The following HS3ST4 variants were observed in gnomAD, a reference collection of about 807,000 sequenced individuals.
HS3ST4 encodes heparan sulfate glucosamine 3-O-sulfotransferase 4.
HS3ST4 carries 17 observed loss-of-function variants against 29.2 expected under a neutral mutation model. That is an observed-to-expected ratio of 0.58 (90% confidence interval 0.40 to 0.87). HS3ST4 has a LOEUF of 0.87. Among genes scored for constraint, HS3ST4 ranks in the 40% least tolerant of loss-of-function variants. HS3ST4 has a pLI of 0.00. For missense variants in HS3ST4, 627 were observed against 634.5 expected (o/e 0.99, Z 0.13); for synonymous variants, 314 against 285.7 (o/e 1.10, Z -1.00).
chr16:25,692,654 G>C lies in HS3ST4; in HGVS notation c.237G>C (p.Pro79=). The change falls in exon 1 of 2, where the codon CCG becomes CCC. Residue 79 remains proline, a synonymous_variant. Transcript: ENST00000331351. ...PGAAAEPPPS[P]PPPSLLPTPV... ...CCGCCGCCGAGCCCCCGCCGAGCCC[G>C]CCGCCACCCTCTCTGCTGCCTACCC... 7.4e-7 allele frequency: 1 copy of C among 1,349,542 alleles called. No individual in the cohort carries two copies. The highest frequency in any genetic ancestry group is 9.6e-7 in the Non-Finnish European group (1 of 1,042,060). 83.6% of individuals were successfully genotyped at this position (1,349,542 alleles called of 1,614,324 possible).
chr16:26,095,524 A>G (rs1898912510), intron 1 of HS3ST4, among the ~76,000 whole-genome samples: 1 of 152,192 alleles, frequency 6.6e-6, no homozygotes, highest in African/African-American at 2.4e-5. Context: ...CTACTGGGTA[A>G]ATAATGCAAT....
chr16:25,873,110 G>A (rs1263076783), intron 1 of HS3ST4, among the ~76,000 whole-genome samples: 2 of 151,954 alleles, frequency 1.3e-5, no homozygotes, highest in African/African-American at 2.4e-5. Context: ...TTCCCATGTA[G>A]ACCATTGCTT....
intron 1 of HS3ST4, among the ~76,000 whole-genome samples, chr16:26,013,884 C>T (rs4787343): frequency 0.042 from 6,414 of 151,986 alleles, 449 homozygotes; most frequent in African/African-American, 0.14. Context: ...GTGGCATGCC[C>T]GTAGTCCCAG....
intron 1 of HS3ST4, among the ~76,000 whole-genome samples, chr16:26,082,748 C>G (rs79657083): frequency 0.01 from 1,534 of 152,282 alleles, 23 homozygotes; most frequent in African/African-American, 0.035. Context: ...TCAATGGTGG[C>G]TTCATTAGAT....
chr16:26,096,224 A>C (rs1464013995), intron 1 of HS3ST4, among the ~76,000 whole-genome samples: 3 of 152,212 alleles, frequency 2.0e-5, no homozygotes, highest in African/African-American at 7.2e-5. Flanking sequence ...AAAAGAGGGA[A>C]TCCTTCCTAA....
At chr16:25,699,770 A>G (rs1966322458) in intron 1 of HS3ST4, among the ~76,000 whole-genome samples, 1 of 152,236 alleles carries the variant, frequency 6.6e-6, no homozygotes, top group Non-Finnish European at 1.5e-5. Context: ...TCTGAGCCAG[A>G]ATCTATTGGA....
chr16:25,914,065 G>A (rs904165339), intron 1 of HS3ST4, among the ~76,000 whole-genome samples: 6 of 149,656 alleles, frequency 4.0e-5, no homozygotes, highest in Non-Finnish European at 8.9e-5. Context: ...GTGTGTGCAC[G>A]GAGTGTGTGT....
intron 1 of HS3ST4, among the ~76,000 whole-genome samples, chr16:25,960,152 G>A (rs1968780340): frequency 6.6e-6 from 1 of 151,908 alleles, no homozygotes; most frequent in South Asian, 2.1e-4. Flanking sequence ...AAAAGAATCT[G>A]GGACCTTCCC....
chr16:25,873,390 C>A (rs879903091), intron 1 of HS3ST4, among the ~76,000 whole-genome samples: 1 of 140,056 alleles, frequency 7.1e-6, no homozygotes, highest in Non-Finnish European at 1.5e-5. Flanking sequence ...ATCCATCCAT[C>A]CATCCATCCA....
chr16:25,904,026 T>C (rs1188763899), intron 1 of HS3ST4, among the ~76,000 whole-genome samples: 1 of 152,200 alleles, frequency 6.6e-6, no homozygotes, highest in Non-Finnish European at 1.5e-5. Context: ...AGTGAATACA[T>C]GCATGGGTAG....
At position 25,950,775 on chromosome 16, in the gene HS3ST4, G is replaced by A. The variant is rs537002681; in HGVS notation, c.735-184837G>A. The stretch of plus-strand genomic sequence containing the variant: ...TGTTGCATTGATCAGCTGAGCTTGA[G>A]TTCCTTCATCTGCAAAGTAAATGCA... On this transcript the variant is annotated intron_variant, in intron 1 of 1. Transcript: ENST00000331351. 3.3e-5 allele frequency among the ~76,000 whole-genome samples: 5 copies of A among 152,218 alleles called. No individual in the cohort carries two copies. The East Asian group carries it at 9.7e-4, about 30-fold the overall frequency.
chr16:26,013,745 C>T (rs963026951), intron 1 of HS3ST4, among the ~76,000 whole-genome samples: 3 of 152,186 alleles, frequency 2.0e-5, no homozygotes, highest in Admixed American at 6.5e-5. Flanking sequence ...AGCGGTGGCT[C>T]ATGCCTGTAA....
chr16:25,696,217 C>A (rs113218487), intron 1 of HS3ST4, among the ~76,000 whole-genome samples: 249 of 152,328 alleles, frequency 1.6e-3, no homozygotes, highest in Non-Finnish European at 2.5e-3. Flanking sequence ...ATTAAACCCT[C>A]CATGCCCTCT....
chr16:26,068,156 T>A (rs756165723), intron 1 of HS3ST4, among the ~76,000 whole-genome samples: 1 of 152,240 alleles, frequency 6.6e-6, no homozygotes, highest in East Asian at 1.9e-4. Flanking sequence ...TCAACATGTA[T>A]GCCAAAGGTG....
chr16:26,036,897 G>A (rs1425820645), intron 1 of HS3ST4, among the ~76,000 whole-genome samples: 1 of 152,152 alleles, frequency 6.6e-6, no homozygotes, highest in Non-Finnish European at 1.5e-5. Flanking sequence ...TGCTGAGAAA[G>A]AACTGGAACC....
chr16:25,849,270 A>G (rs1397357021), intron 1 of HS3ST4, among the ~76,000 whole-genome samples: 1 of 152,234 alleles, frequency 6.6e-6, no homozygotes, highest in Non-Finnish European at 1.5e-5. Context: ...AAATATACAT[A>G]TACATGCAGA....
At chr16:25,697,819 C>T (rs140299036) in intron 1 of HS3ST4, among the ~76,000 whole-genome samples, 7 of 152,040 alleles carry the variant, frequency 4.6e-5, no homozygotes, top group Admixed American at 2.0e-4. Flanking sequence ...ACTACAGGTG[C>T]GCACCACCAC....
intron 1 of HS3ST4, among the ~76,000 whole-genome samples, chr16:25,732,540 T>G (rs1170219933): frequency 6.6e-6 from 1 of 152,166 alleles, no homozygotes; most frequent in Non-Finnish European, 1.5e-5. Context: ...CCCCGTCACC[T>G]TCAGCTGGTG....
intron 1 of HS3ST4, among the ~76,000 whole-genome samples, chr16:25,800,958 T>G (rs527841464): frequency 6.6e-6 from 1 of 152,306 alleles, no homozygotes; most frequent in Middle Eastern, 3.4e-3. Flanking sequence ...TACCTTTCTA[T>G]TATTTATAAA....
Sources: allele counts gnomAD v4.1 joint callset (sites outside exome capture counted in the v4.1 genomes callset), GRCh38; gene constraint gnomAD v4.1.1; transcripts MANE v1.5; gene names NCBI Gene and HGNC (gene_info 2026-07-23, HGNC 2026-07-21).